The following ARK2C variants were observed in gnomAD, a reference collection of about 807,000 sequenced individuals.
The protein encoded by ARK2C is E3 ubiquitin-protein ligase ARK2C.
the ARK2C span, chr18:46,456,591 C>T: frequency 6.2e-7 from 1 of 1,614,130 alleles, no homozygotes; most frequent in Non-Finnish European, 8.5e-7. Context: ...AGAAATGCCC[C>T]ATCTGCCGAG....
the ARK2C span, among the ~76,000 whole-genome samples, chr18:46,442,547 T>C: frequency 6.6e-6 from 1 of 152,212 alleles, no homozygotes; most frequent in South Asian, 2.1e-4. Context: ...TTTATATTTA[T>C]TGAGACTTGT....
At chr18:46,388,908 C>T in the ARK2C span, among the ~76,000 whole-genome samples, 42 of 152,182 alleles carry the variant, frequency 2.8e-4, no homozygotes, top group African/African-American at 9.9e-4. Flanking sequence ...AAAAAAAAGA[C>T]ACGAAACATT....
chr18:46,435,192 TG>T, the ARK2C span: 1 of 965,468 alleles, frequency 1.0e-6, no homozygotes, highest in African/African-American at 1.6e-5. Context: ...GCTGCAAGAG[TG>T]GGGCACCCTC....
chr18:46,412,795 C>T, the ARK2C span, among the ~76,000 whole-genome samples: 9 of 152,090 alleles, frequency 5.9e-5, no homozygotes, highest in African/African-American at 1.2e-4. Context: ...GGAGTGACCA[C>T]GTTTCATGCT....
the ARK2C span, among the ~76,000 whole-genome samples, chr18:46,383,655 T>G: frequency 6.6e-6 from 1 of 150,380 alleles, no homozygotes; most frequent in Non-Finnish European, 1.5e-5. Flanking sequence ...CCAGGGTTCA[T>G]GCCATTCTCC....
the ARK2C span, among the ~76,000 whole-genome samples, chr18:46,353,506 C>T: frequency 1.3e-5 from 2 of 152,144 alleles, no homozygotes; most frequent in Non-Finnish European, 2.9e-5. Context: ...GTCGTAGGCA[C>T]TCAATGAATG....
At chr18:46,342,624 G>T in the ARK2C span, among the ~76,000 whole-genome samples, 1 of 152,318 alleles carries the variant, frequency 6.6e-6, no homozygotes, top group East Asian at 1.9e-4. Context: ...GGAACTCCAG[G>T]GAGGTGGAGT....
At chr18:46,388,292 G>A in the ARK2C span, among the ~76,000 whole-genome samples, 1 of 152,116 alleles carries the variant, frequency 6.6e-6, no homozygotes, top group Non-Finnish European at 1.5e-5. Context: ...GACTTGGAAA[G>A]GTTGCAAACC....
At chr18:46,446,041 G>T in the ARK2C span, among the ~76,000 whole-genome samples, 1 of 152,086 alleles carries the variant, frequency 6.6e-6, no homozygotes, top group East Asian at 1.9e-4. Flanking sequence ...TCTGGACCTT[G>T]GCACCAAGAT....
chr18:46,460,383 A>AC, the ARK2C span: 12 of 152,492 alleles, frequency 7.9e-5, no homozygotes, highest in African/African-American at 2.7e-4. Flanking sequence ...TGAAAAAAAA[A>AC]ACACAAAAAA....
At chr18:46,387,578 G>C in the ARK2C span, among the ~76,000 whole-genome samples, 1 of 152,268 alleles carries the variant, frequency 6.6e-6, no homozygotes, top group Non-Finnish European at 1.5e-5. Flanking sequence ...CCTGGGTGTA[G>C]CTCTGGAGGG....
the ARK2C span, among the ~76,000 whole-genome samples, chr18:46,426,163 T>C: frequency 1.3e-5 from 2 of 152,160 alleles, no homozygotes; most frequent in Non-Finnish European, 1.5e-5. Context: ...CTCTCACTGC[T>C]ACCATATTTC....
At chr18:46,385,481 T>C in the ARK2C span, among the ~76,000 whole-genome samples, 53,544 of 152,110 alleles carry the variant, frequency 0.35, 10,144 homozygotes, top group African/African-American at 0.51. Flanking sequence ...GGAGCTTTTC[T>C]AGCGTGGCTC....
chr18:46,336,884 TA>T, the ARK2C span: 2 of 985,380 alleles, frequency 2.0e-6, no homozygotes, highest in Non-Finnish European at 2.4e-6. Context: ...ACATATGTAT[TA>T]AAAAAATCTT....
chr18:46,337,288 T>C, the ARK2C span: 1 of 985,402 alleles, frequency 1.0e-6, no homozygotes, highest in Non-Finnish European at 1.2e-6. Flanking sequence ...TAGCGTGTTC[T>C]GCTGTGCTGA....
chr18:46,403,992 T>A, the ARK2C span, among the ~76,000 whole-genome samples: 44,921 of 151,858 alleles, frequency 0.3, 7,895 homozygotes, highest in East Asian at 0.78. Flanking sequence ...TACTGCCCTG[T>A]GTGATTAACA....
the ARK2C span, among the ~76,000 whole-genome samples, chr18:46,370,139 C>T: frequency 6.6e-6 from 1 of 152,214 alleles, no homozygotes; most frequent in Non-Finnish European, 1.5e-5. Context: ...TCCCCACTTC[C>T]TTCCCTGCTT....
chr18:46,374,570 T>C, the ARK2C span, among the ~76,000 whole-genome samples: 1 of 152,244 alleles, frequency 6.6e-6, no homozygotes, highest in Non-Finnish European at 1.5e-5. Flanking sequence ...AGGGTTCACC[T>C]GTGCTGCACC....
the ARK2C span, among the ~76,000 whole-genome samples, chr18:46,384,361 G>A: frequency 4.6e-5 from 7 of 152,194 alleles, no homozygotes; most frequent in Non-Finnish European, 7.3e-5. Flanking sequence ...GTGTGTGGGG[G>A]GGATTCTTGA....
Sources: gnomAD v4.1 joint callset for allele counts (sites outside exome capture counted in the v4.1 genomes callset) on GRCh38, gnomAD v4.1.1 for gene constraint, MANE v1.5 for transcripts, NCBI Gene and HGNC (gene_info 2026-07-23, HGNC 2026-07-21) for gene names.